Variants in CHRNB3 observed in about 807,000 individuals in gnomAD.
CHRNB3 encodes the protein neuronal acetylcholine receptor subunit beta-3.
Under a neutral mutation model 40.6 loss-of-function variants are expected in CHRNB3, and 37 were observed. That is an observed-to-expected ratio of 0.91 (90% CI 0.70 to 1.20). CHRNB3 has a LOEUF of 1.20. Among genes scored for constraint, CHRNB3 ranks in the 50% most tolerant of loss-of-function variants. The pLI is 0.00. For synonymous variants in CHRNB3, 207 were observed against 207.1 expected, an observed-to-expected ratio of 1.00 and a Z score of 0.00; for missense variants, 505 against 551.2, an observed-to-expected ratio of 0.92 and a Z score of 0.84.
intron 3 of CHRNB3, among the ~76,000 whole-genome samples, chr8:42,727,373 G>GAAAAA (rs758556619): frequency 1.2e-5 from 1 of 85,118 alleles, no homozygotes. Flanking sequence ...ACTCTGTCTC[G>GAAAAA]AAAAAAAAAA....
rs192543287 is a variant in CHRNB3 at position 42,731,654 on chromosome 8, G to C, written c.360-13G>C. 1.3e-6 allele frequency: 2 copies of C among 1,584,244 alleles called. No individual in the cohort carries two copies. Among genetic ancestry groups the C allele is most frequent in the Non-Finnish European group, 1.7e-6 (2 of 1,166,102 alleles). ...CTCCACCGACTGCTAAGGTGAAACT[G>C]CTTTGATTGCAGTGCTGACGGCCGC... On this transcript the variant is annotated splice_polypyrimidine_tract_variant and intron_variant, in intron 4 of 5. Transcript: ENST00000289957.
intron 4 of CHRNB3, among the ~76,000 whole-genome samples, chr8:42,731,057 A>C (rs1175686383): frequency 7.2e-6 from 1 of 138,802 alleles, no homozygotes; most frequent in Admixed American, 7.1e-5. Flanking sequence ...TCCGTCTCAA[A>C]AAATAAATAA....
intron 3 of CHRNB3, among the ~76,000 whole-genome samples, chr8:42,729,243 T>TA (rs372616227): frequency 6.6e-6 from 1 of 151,698 alleles, no homozygotes; most frequent in African/African-American, 2.4e-5. Context: ...CCGTCTCCAC[T>TA]AAAAAATACA....
At chr8:42,710,091 T>G (rs1166399626) in intron 2 of CHRNB3, among the ~76,000 whole-genome samples, 1 of 152,238 alleles carries the variant, frequency 6.6e-6, no homozygotes, top group Admixed American at 6.5e-5. Context: ...ATTTGACTAT[T>G]GTAAATTGAG....
At chr8:42,715,976 CTTTTT>C (rs34401500) in intron 3 of CHRNB3, among the ~76,000 whole-genome samples, 1 of 124,172 alleles carries the variant, frequency 8.1e-6, no homozygotes, top group African/African-American at 2.9e-5. Context: ...TTAAACTGAC[CTTTTT>C]TTTTTTTTTT....
At chr8:42,736,454 G>A (rs776014057) in intron 5 of CHRNB3, 30 bp from the exon 6 acceptor site, 2 of 1,613,200 alleles carry the variant, frequency 1.2e-6, no homozygotes, top group Admixed American at 1.7e-5. Context: ...TCAGTGTCTT[G>A]AGTGAAAGGC....
At chr8:42,709,740 T>A (rs2128905478) in intron 2 of CHRNB3, among the ~76,000 whole-genome samples, 1 of 152,346 alleles carries the variant, frequency 6.6e-6, no homozygotes, top group South Asian at 2.1e-4. Flanking sequence ...CAAGTGAATC[T>A]CCTGCCTCAG....
At chr8:42,698,679 A>T (rs1257446084) in intron 1 of CHRNB3, among the ~76,000 whole-genome samples, 1 of 152,180 alleles carries the variant, frequency 6.6e-6, no homozygotes, top group Non-Finnish European at 1.5e-5. Flanking sequence ...GACTTTTCAA[A>T]GTCTTGAATG....
chr8:42,699,947 G>T (rs78548855), intron 1 of CHRNB3, among the ~76,000 whole-genome samples: 2,662 of 149,278 alleles, frequency 0.018, 33 homozygotes, highest in Non-Finnish European at 0.023. Context: ...ATACCAAAAG[G>T]CATCAAAGCA....
Position 42,736,722 on chromosome 8 carries a change from T to C in CHRNB3, c.*104T>C, listed in dbSNP as rs1816532212. 4.4e-6 allele frequency: 6 copies of C among 1,362,888 alleles called. No homozygotes were observed. Among genetic ancestry groups the C allele is most frequent in the Non-Finnish European group, 5.1e-6 (5 of 973,876 alleles). The allele number at this position is 1,362,888 out of a possible 1,614,324, so 84.4% of individuals were successfully genotyped here. The stretch of plus-strand genomic sequence containing the variant: ...GCTTGTTCTACGAACCCCGAATGCG[T>C]TGTCTTTGTGGAAATGGAACATCTC... On this transcript the variant is annotated 3_prime_UTR_variant, in exon 6 of 6. Transcript: ENST00000289957.
intron 5 of CHRNB3, among the ~76,000 whole-genome samples, chr8:42,733,695 C>T (rs887662124): frequency 3.4e-5 from 5 of 144,974 alleles, no homozygotes; most frequent in South Asian, 2.1e-4. Flanking sequence ...TGGGTTCAAG[C>T]GATTCTGCTG....
chr8:42,706,716 G>T (rs960711785), intron 1 of CHRNB3, among the ~76,000 whole-genome samples: 16 of 152,106 alleles, frequency 1.1e-4, no homozygotes, highest in African/African-American at 3.1e-4. Flanking sequence ...TGCTCCCAGT[G>T]CTGCTCTTGG....
intron 1 of CHRNB3, among the ~76,000 whole-genome samples, chr8:42,703,435 A>AAATATATATATATATATATATATATATAT: frequency 2.1e-5 from 1 of 47,400 alleles, no homozygotes; most frequent in African/African-American, 6.2e-5. Context: ...AAAAAAAAAA[A>AAATATATATATATATATATATATATATAT]ATATTTATAT....
intron 5 of CHRNB3, among the ~76,000 whole-genome samples, chr8:42,734,243 G>A (rs1816479084): frequency 9.1e-6 from 1 of 109,368 alleles, no homozygotes; most frequent in Non-Finnish European, 1.7e-5. Flanking sequence ...CCTGGCGACA[G>A]AGCGAGACTC....
intron 1 of CHRNB3, chr8:42,704,366 T>C (rs1815881325): frequency 6.6e-6 from 1 of 152,240 alleles, no homozygotes; most frequent in East Asian, 1.9e-4. Context: ...GTGCACCTTC[T>C]GACAGTGGTA....
intron 3 of CHRNB3, chr8:42,725,768 G>A (rs58205452): frequency 1.5e-5 from 14 of 909,538 alleles, no homozygotes; most frequent in African/African-American, 1.3e-4. Flanking sequence ...ACTTGTCCAC[G>A]TTTCAAAATG....
intron 3 of CHRNB3, among the ~76,000 whole-genome samples, chr8:42,725,036 T>A: frequency 6.6e-6 from 1 of 151,688 alleles, no homozygotes; most frequent in Non-Finnish European, 1.5e-5. Flanking sequence ...TGGACTGTGA[T>A]GAGAGGTGCT....
chr8:42,728,276 T>C (rs1816343514), intron 3 of CHRNB3, among the ~76,000 whole-genome samples: 1 of 152,154 alleles, frequency 6.6e-6, no homozygotes, highest in South Asian at 2.1e-4. Flanking sequence ...CTGTAATTCC[T>C]ACACTTTGGG....
intron 3 of CHRNB3, chr8:42,726,019 T>C (rs1816303318): frequency 1.9e-6 from 2 of 1,050,680 alleles, no homozygotes; most frequent in African/African-American, 1.6e-5. Context: ...CTTCTAGTCG[T>C]CTGAGACGTA....
Sources: gnomAD v4.1 joint callset for allele counts (sites outside exome capture counted in the v4.1 genomes callset) on GRCh38, gnomAD v4.1.1 for gene constraint, MANE v1.5 for transcripts, NCBI Gene and HGNC (gene_info 2026-07-23, HGNC 2026-07-21) for gene names.